The following STAU2 variants were observed in gnomAD, a reference collection of about 807,000 sequenced individuals.
STAU2 encodes double-stranded RNA-binding protein Staufen homolog 2.
STAU2 carries 20 observed loss-of-function variants against 65.9 expected under a neutral mutation model. That is an observed-to-expected ratio of 0.30 (90% CI 0.21 to 0.44). The LOEUF is 0.44. Among genes scored for constraint, STAU2 ranks in the 20% least tolerant of loss-of-function variants. STAU2 has a pLI of 1.00. For synonymous variants in STAU2, 232 were observed against 233.9 expected (o/e 0.99, Z 0.07); for missense variants, 558 against 683.9 (o/e 0.82, Z 2.05).
chr8:73,536,090 T>C (rs1461558633), intron 13 of STAU2, among the ~76,000 whole-genome samples: 2 of 152,198 alleles, frequency 1.3e-5, no homozygotes, highest in Non-Finnish European at 2.9e-5. Flanking sequence ...CCATTTATGA[T>C]TTCCACATCC....
intron 4 of STAU2, among the ~76,000 whole-genome samples, chr8:73,697,606 A>G (rs1031308926): frequency 6.6e-6 from 1 of 152,238 alleles, no homozygotes; most frequent in African/African-American, 2.4e-5. Context: ...CCAATCAAAA[A>G]TAATAGCTAC....
rs181668790 is a variant in STAU2 at position 73,553,158 on chromosome 8, G to A, written c.1223-839C>T. Among the ~76,000 whole-genome samples, 206 of 152,312 alleles carry A rather than the reference G, an allele frequency of 1.4e-3. 2 individuals are homozygous for A. The highest frequency in any genetic ancestry group is 4.9e-3 in the African/African-American group (204 of 41,560). ...TCCTTTGACTATCATTTGTCTCAGA[G>A]AAGTTTCAAACCACATTTCAAACTG... is the stretch of plus-strand genomic sequence containing the variant. On this transcript the variant is annotated intron_variant, in intron 12 of 14. Transcript: ENST00000524300.
chr8:73,644,438 C>T (rs1467684644), intron 6 of STAU2, among the ~76,000 whole-genome samples: 3 of 150,114 alleles, frequency 2.0e-5, no homozygotes, highest in Non-Finnish European at 4.4e-5. Flanking sequence ...GAGTAAGATC[C>T]TGTCTCTTAA....
chr8:73,519,660 ATTCTAT>A (rs1357780512), intron 13 of STAU2, among the ~76,000 whole-genome samples: 5 of 152,234 alleles, frequency 3.3e-5, no homozygotes, highest in African/African-American at 1.2e-4. Flanking sequence ...TAGGCCAGAC[ATTCTAT>A]TTCTCTCACT....
intron 13 of STAU2, among the ~76,000 whole-genome samples, chr8:73,503,164 C>T (rs1206972206): frequency 1.3e-5 from 2 of 152,074 alleles, no homozygotes; most frequent in African/African-American, 4.8e-5. Context: ...GACAGGTGCC[C>T]TCATAGCTGT....
intron 4 of STAU2, among the ~76,000 whole-genome samples, chr8:73,691,191 G>C (rs917866901): frequency 6.6e-6 from 1 of 152,038 alleles, no homozygotes; most frequent in Non-Finnish European, 1.5e-5. Context: ...AAACTCAAGA[G>C]GTAAAAGGTC....
At chr8:73,456,981 G>T (rs1024689908) in intron 13 of STAU2, among the ~76,000 whole-genome samples, 2 of 152,110 alleles carry the variant, frequency 1.3e-5, no homozygotes, top group East Asian at 3.8e-4. Flanking sequence ...TAAATATATT[G>T]CTACTCAAAC....
intron 13 of STAU2, among the ~76,000 whole-genome samples, chr8:73,543,213 G>C (rs1194997185): frequency 6.6e-6 from 1 of 152,160 alleles, no homozygotes; most frequent in Non-Finnish European, 1.5e-5. Flanking sequence ...TCAGTGAAAA[G>C]ACAAAACTAA....
chr8:73,518,910 C>G (rs772953135), intron 13 of STAU2, among the ~76,000 whole-genome samples: 2 of 151,940 alleles, frequency 1.3e-5, no homozygotes, highest in Non-Finnish European at 2.9e-5. Context: ...GGACAAGTTT[C>G]GGAGGGAGGA....
intron 6 of STAU2, among the ~76,000 whole-genome samples, chr8:73,665,693 G>C (rs1176163077): frequency 6.6e-6 from 1 of 152,104 alleles, no homozygotes; most frequent in Non-Finnish European, 1.5e-5. Flanking sequence ...GTTTGTAACT[G>C]TTCATATCAC....
At chr8:73,492,594 C>A (rs141235843) in intron 13 of STAU2, among the ~76,000 whole-genome samples, 61 of 151,912 alleles carry the variant, frequency 4.0e-4, no homozygotes, top group African/African-American at 1.4e-3. Context: ...CTCTTAGGAC[C>A]CAATTCCTAA....
intron 13 of STAU2, among the ~76,000 whole-genome samples, chr8:73,518,201 T>C (rs1822846023): frequency 6.6e-6 from 1 of 152,244 alleles, no homozygotes; most frequent in Non-Finnish European, 1.5e-5. Flanking sequence ...TGGTTTCCAC[T>C]GTAAATAAAT....
At chr8:73,484,912 T>C (rs961896564) in intron 13 of STAU2, among the ~76,000 whole-genome samples, 1 of 152,104 alleles carries the variant, frequency 6.6e-6, no homozygotes, top group African/African-American at 2.4e-5. Flanking sequence ...CACTTTAAGG[T>C]ATTTACCTTT....
chr8:73,512,321 T>C (rs868222752), intron 13 of STAU2, among the ~76,000 whole-genome samples: 3 of 152,200 alleles, frequency 2.0e-5, no homozygotes, highest in South Asian at 2.1e-4. Flanking sequence ...TTGTATTAAA[T>C]CTATAGGTCA....
At chr8:73,579,688 G>GC (rs1809845169) in intron 12 of STAU2, among the ~76,000 whole-genome samples, 1 of 152,080 alleles carries the variant, frequency 6.6e-6, no homozygotes, top group African/African-American at 2.4e-5. Flanking sequence ...AGAGTTATGT[G>GC]TTTTTATTCT....
intron 5 of STAU2, 107 bp downstream of exon 5, chr8:73,688,547 T>C (rs1819112993): frequency 3.7e-6 from 4 of 1,076,472 alleles, no homozygotes; most frequent in South Asian, 1.4e-5. Flanking sequence ...TGGGCATATG[T>C]GTACTATTAA....
At chr8:73,739,004 G>C (rs930332916) in intron 2 of STAU2, among the ~76,000 whole-genome samples, 1 of 152,052 alleles carries the variant, frequency 6.6e-6, no homozygotes, top group African/African-American at 2.4e-5. Flanking sequence ...GGCCAAGGTG[G>C]GTGGATCATT....
chr8:73,495,662 AATATATATAT>A (rs3032943), intron 13 of STAU2, among the ~76,000 whole-genome samples: 8 of 132,500 alleles, frequency 6.0e-5, no homozygotes, highest in Middle Eastern at 9.3e-3. Flanking sequence ...CATAAAGCCA[AATATATATAT>A]ATATATATAT....
intron 6 of STAU2, among the ~76,000 whole-genome samples, chr8:73,658,525 C>T (rs768305576): frequency 9.8e-5 from 15 of 152,318 alleles, no homozygotes; most frequent in East Asian, 1.9e-4. Context: ...ATTTATTAGA[C>T]ACAATATTAC....
Sources: gnomAD v4.1 joint callset for allele counts (sites outside exome capture counted in the v4.1 genomes callset) on GRCh38, gnomAD v4.1.1 for gene constraint, MANE v1.5 for transcripts, NCBI Gene and HGNC (gene_info 2026-07-23, HGNC 2026-07-21) for gene names.